Variants in CA10 observed in about 807,000 individuals in gnomAD.
CA10 encodes the protein carbonic anhydrase-related protein 10.
Under a neutral mutation model 44.2 loss-of-function variants are expected in CA10, and 14 were observed. That is an observed-to-expected ratio of 0.32 (90% CI 0.21 to 0.50). The LOEUF (loss-of-function observed/expected upper bound fraction) is 0.50, where lower values mean the gene tolerates loss of function less well. Ranked by LOEUF, CA10 falls within the 20% of genes least tolerant of loss-of-function variation. CA10 has a pLI of 0.99. For missense variants in CA10, 350 were observed against 409.7 expected (o/e 0.85, Z 1.26); for synonymous variants, 159 against 141.6 (o/e 1.12, Z -0.87).
At chr17:51,883,610 T>C (rs1298225187) in intron 3 of CA10, among the ~76,000 whole-genome samples, 1 of 152,122 alleles carries the variant, frequency 6.6e-6, no homozygotes, top group Non-Finnish European at 1.5e-5. Context: ...CCCTTTCTTC[T>C]TTCATCTTCC....
intron 4 of CA10, among the ~76,000 whole-genome samples, chr17:51,664,633 G>C (rs1033017380): frequency 8.6e-5 from 13 of 151,718 alleles, no homozygotes; most frequent in Admixed American, 6.6e-4. Context: ...CTGAGCTCTG[G>C]AGTGAACAAG....
intron 1 of CA10, among the ~76,000 whole-genome samples, chr17:52,072,700 CACACACACACACACACA>C (rs1412779359): frequency 6.6e-6 from 1 of 151,512 alleles, no homozygotes; most frequent in African/African-American, 2.4e-5. Flanking sequence ...CACACACACA[CACACACACACACACACA>C]ACACACACAC....
intron 1 of CA10, among the ~76,000 whole-genome samples, chr17:52,098,545 A>G (rs1278999396): frequency 6.6e-6 from 1 of 152,178 alleles, no homozygotes; most frequent in Non-Finnish European, 1.5e-5. Flanking sequence ...ACAGACATGT[A>G]CTGACCTAAG....
chr17:52,007,885 G>T (rs755091904), intron 2 of CA10, among the ~76,000 whole-genome samples: 1 of 151,356 alleles, frequency 6.6e-6, no homozygotes, highest in Non-Finnish European at 1.5e-5. Context: ...CTACTGGTTC[G>T]TTTTGGTTTC....
At chr17:51,961,052 C>G (rs1983867594) in intron 2 of CA10, among the ~76,000 whole-genome samples, 1 of 152,170 alleles carries the variant, frequency 6.6e-6, no homozygotes, top group African/African-American at 2.4e-5. Context: ...CTATAGATTG[C>G]AGCTTCAGCT....
intron 2 of CA10, among the ~76,000 whole-genome samples, chr17:52,059,734 C>T (rs1013224704): frequency 6.6e-6 from 1 of 152,072 alleles, no homozygotes; most frequent in Non-Finnish European, 1.5e-5. Flanking sequence ...TGACCTTACA[C>T]AGTTAATGAC....
chr17:51,715,242 G>A (rs926829095), intron 4 of CA10, among the ~76,000 whole-genome samples: 1 of 151,978 alleles, frequency 6.6e-6, no homozygotes, highest in African/African-American at 2.4e-5. Context: ...GGGAGGGATA[G>A]CATTAGGAGA....
At chr17:52,020,780 AAT>A (rs1341584952) in intron 2 of CA10, among the ~76,000 whole-genome samples, 5 of 151,952 alleles carry the variant, frequency 3.3e-5, no homozygotes, top group Non-Finnish European at 7.4e-5. Context: ...GTACCCAATA[AAT>A]AGTTTTTCAA....
intron 1 of CA10, among the ~76,000 whole-genome samples, chr17:52,146,949 A>G (rs185093332): frequency 6.6e-6 from 1 of 152,172 alleles, no homozygotes; most frequent in East Asian, 1.9e-4. Flanking sequence ...TCCTCTCACC[A>G]AGCACCTACA....
intron 6 of CA10, among the ~76,000 whole-genome samples, chr17:51,645,853 AT>A (rs1271305509): frequency 2.0e-5 from 3 of 152,160 alleles, no homozygotes; most frequent in African/African-American, 7.2e-5. Flanking sequence ...CCTTGGCAGG[AT>A]TTTCATGTTG....
intron 4 of CA10, among the ~76,000 whole-genome samples, chr17:51,687,914 C>G (rs1203301603): frequency 6.6e-6 from 1 of 152,166 alleles, no homozygotes; most frequent in African/African-American, 2.4e-5. Flanking sequence ...GATATTCATG[C>G]TCCTGTGTGG....
chr17:51,770,231 C>T (rs561639246), intron 3 of CA10, among the ~76,000 whole-genome samples: 1 of 151,722 alleles, frequency 6.6e-6, no homozygotes, highest in Non-Finnish European at 1.5e-5. Context: ...CTCCCCGCCC[C>T]GCCCAGAAAT....
At position 51,820,521 on chromosome 17, in the gene CA10, T is replaced by A. The variant is rs567824127; in HGVS notation, c.280-72703A>T. Among the ~76,000 whole-genome samples, 3 of 151,462 alleles carry A rather than the reference T, an allele frequency of 2.0e-5. No individual in the cohort carries two copies. In the South Asian group the frequency reaches 6.3e-4, roughly 32 times the overall value. On this transcript the variant is annotated intron_variant, in intron 3 of 8. Coordinates refer to ENST00000451037, the MANE Select transcript of CA10 (RefSeq NM_020178.5). ...GAGAAAGTTCTTTCTCATGTCTAGA[T>A]GAAATCTCTGACGCACAAACCCATT...
rs555460635 is a variant in CA10 at position 52,085,385 on chromosome 17, G to A, written c.62-12992C>T. ...TTTACAGCAGCACTGTGTCCATGTC[G>A]TCTTTCACTTTTGAGGGGTAGTGAA... On this transcript the variant is annotated intron_variant, in intron 1 of 8. Coordinates refer to ENST00000451037, the MANE Select transcript of CA10 (RefSeq NM_020178.5). Among the ~76,000 whole-genome samples the A allele has an allele frequency of 2.0e-4, 31 of 152,194 alleles. No homozygotes were observed. The South Asian group carries it at 3.1e-3, about 15-fold the overall frequency.
intron 3 of CA10, among the ~76,000 whole-genome samples, chr17:51,789,806 C>T (rs1159269133): frequency 2.0e-5 from 3 of 152,220 alleles, no homozygotes; most frequent in African/African-American, 7.2e-5. Context: ...GTAGGTCCAC[C>T]TCACCTTTAC....
intron 2 of CA10, among the ~76,000 whole-genome samples, chr17:52,025,434 C>G (rs1377823181): frequency 7.9e-5 from 12 of 151,912 alleles, no homozygotes; most frequent in Non-Finnish European, 4.4e-5. Flanking sequence ...AGCAAGGACT[C>G]CAAGGAGAAA....
At chr17:52,098,815 T>G (rs1254999898) in intron 1 of CA10, among the ~76,000 whole-genome samples, 1 of 152,158 alleles carries the variant, frequency 6.6e-6, no homozygotes, top group African/African-American at 2.4e-5. Context: ...CATTGCTATA[T>G]TAAAGAAATC....
intron 2 of CA10, among the ~76,000 whole-genome samples, chr17:51,991,169 A>G (rs1985026028): frequency 6.6e-6 from 1 of 152,154 alleles, no homozygotes; most frequent in Non-Finnish European, 1.5e-5. Context: ...AAATGATGGA[A>G]AATGTAGTGC....
rs563702151 is a variant in CA10 at position 51,833,160 on chromosome 17, G to A, written c.280-85342C>T. 3.9e-5 allele frequency among the ~76,000 whole-genome samples: 6 copies of A among 152,236 alleles called. No individual in the cohort carries two copies. In the East Asian group the frequency reaches 9.7e-4, roughly 25 times the overall value. ...TTAGTGCCTCTGCTGGGAGAATGAC[G>A]ATGAAGTCCTCCAGGTATCCAGGCT... On this transcript the variant is annotated intron_variant, in intron 3 of 8. Coordinates refer to ENST00000451037, the MANE Select transcript of CA10 (RefSeq NM_020178.5).
Sources: allele counts gnomAD v4.1 joint callset (sites outside exome capture counted in the v4.1 genomes callset), GRCh38; gene constraint gnomAD v4.1.1; transcripts MANE v1.5; gene names NCBI Gene and HGNC (gene_info 2026-07-23, HGNC 2026-07-21).